The following EXOSC10 variants were observed in gnomAD, a reference collection of about 807,000 sequenced individuals.
EXOSC10 encodes the protein exosome complex component 10.
In EXOSC10, 94 loss-of-function variants were observed where a neutral mutation model predicts 126.6. The ratio of observed to expected loss-of-function variants is 0.74; its 90% CI spans 0.63 to 0.88. The LOEUF (loss-of-function observed/expected upper bound fraction) is 0.88. Among genes scored for constraint, EXOSC10 ranks in the 40% least tolerant of loss-of-function variants. The pLI, the probability that EXOSC10 is intolerant of heterozygous loss-of-function variation, is 0.00. For synonymous variants in EXOSC10, 395 were observed against 400.8 expected (o/e 0.99, Z 0.17); for missense variants, 1,041 against 1,100.5 (o/e 0.95, Z 0.77).
At position 11,080,758 on chromosome 1, in the gene EXOSC10, C is replaced by T. The variant is rs1402055749; in HGVS notation, c.1586+6G>A. On this transcript the variant is annotated splice_donor_region_variant and intron_variant, in intron 12 of 24. Transcript: ENST00000376936. ...ACAAGTATTAAAAGAACCTCTAATC[C>T]CTTACCCGTAACTTTCATCTTCCCT... 1.2e-6 allele frequency: 2 copies of T among 1,613,866 alleles called. No individual in the cohort carries two copies. The highest frequency in any genetic ancestry group is 2.7e-5 in the African/African-American group (2 of 74,864).
Position 11,087,490 on chromosome 1 carries a change from C to A in EXOSC10, c.1047G>T (p.Met349Ile). Residue 349 changes from methionine (M) to isoleucine (I), a missense_variant, in exon 9 of 25, where the codon ATG becomes ATT. Met to Ile is a conservative substitution (Grantham distance 10, BLOSUM62 1). Around this residue, in one of 3 missense-constraint regions of EXOSC10, gnomAD observed 645 missense variants for 656.3 expected, o/e 0.98. Transcript: ENST00000376936. ...IIDTLELRSD[M>I]YILNESLTDP... is the part of the protein sequence containing the mutation. ...CTGTGAGGCTCTCATTGAGAATGTA[C>A]ATGTCACTTCGAAGCTCGAGGGTGT... The A allele has an allele frequency of 6.2e-7, 1 of 1,614,084 alleles. No individual in the cohort carries two copies. The highest frequency in any genetic ancestry group is 8.5e-7 in the Non-Finnish European group (1 of 1,180,016).
At position 11,069,706 on chromosome 1, in the gene EXOSC10, C is replaced by G; in HGVS notation, c.2341G>C (p.Glu781Gln). Residue 781 changes from glutamate to glutamine, a missense_variant, in exon 22 of 25, where the codon GAG (glutamate) becomes CAG (glutamine). Coordinates refer to ENST00000376936, the MANE Select transcript of EXOSC10 (RefSeq NM_001001998.3). ...GTCCTTGGGTCGCTTGTTGCTCGCT[C>G]TCTCTTCTTTGCAGCATTTTCTAGC... is the stretch of plus-strand genomic sequence containing the variant. ...VVLENAAKKRERATSDPRTTE... is the reference protein window; with the variant it reads ...VVLENAAKKRQRATSDPRTTE... 1.9e-6 allele frequency: 3 copies of G among 1,613,396 alleles called. No individual in the cohort carries two copies. Among genetic ancestry groups the G allele is most frequent in the East Asian group, 2.2e-5 (1 of 44,856 alleles).
intron 2 of EXOSC10, among the ~76,000 whole-genome samples, chr1:11,097,185 G>A (rs1239393115): frequency 6.6e-6 from 1 of 151,828 alleles, no homozygotes; most frequent in Non-Finnish European, 1.5e-5. Context: ...ACTTCAGCCT[G>A]GGCGACAGAG....
chr1:11,069,757 AGGAACAGGGAGGCACATG>A (rs1274426920), intron 21 of EXOSC10, 27 bp from the exon 22 acceptor site: 12 of 1,605,064 alleles, frequency 7.5e-6, no homozygotes, highest in Middle Eastern at 1.7e-4. Flanking sequence ...GATGTGGGGG[AGGAACAGGGAGGCACATG>A]GGAACAGGGA....
chr1:11,067,875 G>T, intron 24 of EXOSC10, 133 bp downstream of exon 24: 1 of 701,362 alleles, frequency 1.4e-6, no homozygotes, highest in South Asian at 1.9e-5. Flanking sequence ...ACCTGGCTGT[G>T]GGAGGTTCTC....
intron 10 of EXOSC10, 110 bp from the exon 11 acceptor site, chr1:11,081,348 C>T: frequency 8.2e-7 from 1 of 1,216,852 alleles, no homozygotes. Flanking sequence ...ATGAAAGATC[C>T]TTTCATAGTC....
chr1:11,068,128 C>A, intron 23 of EXOSC10, 44 bp from the exon 24 acceptor site: 1 of 1,516,458 alleles, frequency 6.6e-7, no homozygotes, highest in South Asian at 1.1e-5. Flanking sequence ...GCACCTTGAC[C>A]ACAAGATACA....
At position 11,099,310 on chromosome 1, in the gene EXOSC10, G is replaced by A. The variant is rs1299092336; in HGVS notation, c.111+411C>T. ...GTAGGACTGGACTTCAGAAACAGAG[G>A]AAGAGAAGGGCCATACTGGCCGCGG... is the stretch of plus-strand genomic sequence containing the variant. On this transcript the variant is annotated intron_variant, in intron 1 of 24. Transcript: ENST00000376936. 2.6e-5 allele frequency among the ~76,000 whole-genome samples: 4 copies of A among 152,240 alleles called. No individual in the cohort carries two copies. The East Asian group carries it at 5.8e-4, about 22-fold the overall frequency.
At chr1:11,081,848 G>A (rs1315337285) in intron 10 of EXOSC10, among the ~76,000 whole-genome samples, 2 of 151,916 alleles carry the variant, frequency 1.3e-5, no homozygotes, top group Non-Finnish European at 2.9e-5. Flanking sequence ...TTTGGGAGGC[G>A]GAGGCGGGAG....
chr1:11,069,494 C>G, intron 22 of EXOSC10, 65 bp downstream of exon 22: 1 of 1,555,922 alleles, frequency 6.4e-7, no homozygotes, highest in Non-Finnish European at 8.7e-7. Flanking sequence ...ATTGTGGTCT[C>G]TTTATGGCTT....
intron 1 of EXOSC10, 77 bp from the exon 2 acceptor site, chr1:11,098,233 G>C: frequency 1.4e-6 from 2 of 1,475,416 alleles, no homozygotes; most frequent in Non-Finnish European, 1.8e-6. Context: ...TTGATCTATC[G>C]TATACAAGGT....
intron 24 of EXOSC10, among the ~76,000 whole-genome samples, chr1:11,067,339 G>A (rs1639157035): frequency 1.3e-5 from 2 of 151,976 alleles, no homozygotes; most frequent in South Asian, 4.2e-4. Context: ...GGCTGAGGCA[G>A]GAGAATGGCG....
chr1:11,090,939 A>G, intron 5 of EXOSC10, 75 bp downstream of exon 5: 1 of 1,474,920 alleles, frequency 6.8e-7, no homozygotes, highest in Non-Finnish European at 9.2e-7. Flanking sequence ...CAAAGAAGAG[A>G]GACCTGTACA....
At chr1:11,074,088 G>T in intron 18 of EXOSC10, 80 bp from the exon 19 acceptor site, 1 of 1,455,116 alleles carries the variant, frequency 6.9e-7, no homozygotes, top group Non-Finnish European at 9.7e-7. Context: ...CAGATGGGGG[G>T]TTGCTGGTGC....
chr1:11,069,244 T>TGTGTGTGTGTGTGAGAGAGA, intron 22 of EXOSC10, among the ~76,000 whole-genome samples: 12 of 116,826 alleles, frequency 1.0e-4, no homozygotes, highest in Admixed American at 5.8e-4. Flanking sequence ...TGTGTGTGTG[T>TGTGTGTGTGTGTGAGAGAGA]GAGAGAGAGA....
intron 9 of EXOSC10, among the ~76,000 whole-genome samples, chr1:11,086,276 T>C (rs1640487961): frequency 6.6e-6 from 1 of 152,180 alleles, no homozygotes; most frequent in African/African-American, 2.4e-5. Flanking sequence ...TGGTAAGCTA[T>C]TGATTATTGC....
Position 11,074,282 on chromosome 1 carries a change from T to G in EXOSC10, c.2031A>C (p.Ala677=). The change falls in exon 18 of 25, where the codon GCA becomes GCC. Residue 677 remains alanine (A), a synonymous_variant. Coordinates refer to ENST00000376936, the MANE Select transcript of EXOSC10 (RefSeq NM_001001998.3). ...EDSKKGPLTV[A]QKKAQNIMES... The stretch of plus-strand genomic sequence containing the variant: ...CCATGATGTTCTGGGCTTTTTTCTG[T>G]GCAACTGTCAATGGACCCTTTTTAC... 1 of 1,614,180 alleles carries G rather than the reference T, an allele frequency of 6.2e-7. No individual in the cohort carries two copies. Among genetic ancestry groups the G allele is most frequent in the Non-Finnish European group, 8.5e-7 (1 of 1,180,032 alleles).
chr1:11,086,530 A>T lies in EXOSC10; in HGVS notation c.1089+918T>A, dbSNP rs112119719. 2.4e-3 allele frequency among the ~76,000 whole-genome samples: 358 copies of T among 152,180 alleles called. 3 individuals carry two copies. The highest frequency in any genetic ancestry group is 7.8e-3 in the African/African-American group (324 of 41,500). Reference sequence around the variant, plus strand: ...TCTATTTTTCTTTATTAGTCTTGCTAGCGGTCTATCAATTCCAAAATTGAC... The same window carrying T: ...TCTATTTTTCTTTATTAGTCTTGCTTGCGGTCTATCAATTCCAAAATTGAC... On this transcript the variant is annotated intron_variant, in intron 9 of 24. Coordinates refer to ENST00000376936, the MANE Select transcript of EXOSC10 (RefSeq NM_001001998.3).
chr1:11,097,955 A>G, intron 2 of EXOSC10, 65 bp downstream of exon 2: 1 of 1,397,684 alleles, frequency 7.2e-7, no homozygotes, highest in Non-Finnish European at 9.4e-7. Flanking sequence ...TTTCAGGAAA[A>G]ATTTATCTAC....
Sources: allele counts gnomAD v4.1 joint callset (sites outside exome capture counted in the v4.1 genomes callset), GRCh38; gene constraint gnomAD v4.1.1; regional missense constraint gnomAD v4.1.1; transcripts MANE v1.5; gene names NCBI Gene and HGNC (gene_info 2026-07-23, HGNC 2026-07-21).